ADAM22: variants seen among roughly 807,000 people sequenced by gnomAD.
ADAM22 encodes the protein disintegrin and metalloproteinase domain-containing protein 22.
In ADAM22, 65 loss-of-function variants were observed where a neutral mutation model predicts 144.6. The observed-to-expected ratio is 0.45, with a 90% CI of 0.37 to 0.55. The LOEUF is 0.55. Among genes scored for constraint, ADAM22 ranks in the 20% least tolerant of loss-of-function variants. The probability of loss-of-function intolerance (pLI) is 0.00; values close to 1 mark genes in which losing one functional copy is unlikely to be tolerated. For missense variants in ADAM22, 974 were observed against 1,184.9 expected (o/e 0.82, Z 2.61); for synonymous variants, 391 against 412.6 (o/e 0.95, Z 0.63).
intron 3 of ADAM22, among the ~76,000 whole-genome samples, chr7:88,029,417 T>G (rs1799735878): frequency 6.6e-6 from 1 of 152,178 alleles, no homozygotes. Context: ...TACTTTTTAT[T>G]GTACTGTCTG....
chr7:87,934,728 C>T, intron 1 of ADAM22, 178 bp downstream of exon 1: 1 of 656,966 alleles, frequency 1.5e-6, no homozygotes, highest in Non-Finnish European at 2.5e-6. Flanking sequence ...TGTGTGGAGG[C>T]GCGCAGATGC....
intron 3 of ADAM22, among the ~76,000 whole-genome samples, chr7:88,012,407 T>A (rs1795646876): frequency 1.3e-5 from 2 of 152,212 alleles, no homozygotes; most frequent in African/African-American, 4.8e-5. Context: ...TCTAATTTTT[T>A]GTTCCAAGCT....
chr7:88,020,259 A>C (rs1797528849), intron 3 of ADAM22, among the ~76,000 whole-genome samples: 1 of 152,172 alleles, frequency 6.6e-6, no homozygotes, highest in Non-Finnish European at 1.5e-5. Context: ...ACTCATTAGT[A>C]TATTTTTTTC....
At chr7:88,118,958 AAGTTTAATTATT>A (rs889940925) in intron 7 of ADAM22, among the ~76,000 whole-genome samples, 3 of 152,184 alleles carry the variant, frequency 2.0e-5, no homozygotes, top group Admixed American at 1.3e-4. Context: ...TTTCAAAAGT[AAGTTTAATTATT>A]ATAGATTACA....
rs926590534 is a variant in ADAM22 at position 88,117,756 on chromosome 7, C to T, written c.607+942C>T. 5.3e-5 allele frequency among the ~76,000 whole-genome samples: 8 copies of T among 150,482 alleles called. No homozygotes were observed. In the East Asian group the frequency reaches 5.8e-4, roughly 11 times the overall value. On this transcript the variant is annotated intron_variant, in intron 7 of 31. Transcript: ENST00000413139. ...TCGCCCAGGCTGGAATGCAGTGACG[C>T]GACCTCAGCTCACTGCAACCTCCGC...
chr7:88,149,188 T>A (rs2301999), intron 18 of ADAM22, 131 bp downstream of exon 18: 96,017 of 682,510 alleles, frequency 0.14, 10,064 homozygotes, highest in East Asian at 0.45. Context: ...CCATTTTTTT[T>A]AGGAATTTAA....
intron 3 of ADAM22, among the ~76,000 whole-genome samples, chr7:88,023,873 T>A (rs1563050253): frequency 6.6e-6 from 1 of 152,036 alleles, no homozygotes. Flanking sequence ...TAACCATTAT[T>A]CTGCTCTCTA....
intron 25 of ADAM22, among the ~76,000 whole-genome samples, chr7:88,169,198 A>C (rs1469932480): frequency 6.6e-6 from 1 of 152,102 alleles, no homozygotes; most frequent in Non-Finnish European, 1.5e-5. Flanking sequence ...GAGAGCAGTT[A>C]GTTTACTGGC....
intron 4 of ADAM22, among the ~76,000 whole-genome samples, chr7:88,088,551 C>A (rs1272032823): frequency 6.7e-6 from 1 of 149,076 alleles, no homozygotes; most frequent in African/African-American, 2.5e-5. Context: ...TGTAAGAAAT[C>A]ACTTAGAAAA....
chr7:87,957,782 C>T (rs1460787780), intron 2 of ADAM22, among the ~76,000 whole-genome samples: 1 of 152,104 alleles, frequency 6.6e-6, no homozygotes, highest in East Asian at 1.9e-4. Context: ...CGGGGTTTCA[C>T]CATGTTAGCC....
intron 2 of ADAM22, among the ~76,000 whole-genome samples, chr7:87,952,852 C>G (rs892808872): frequency 6.6e-6 from 1 of 152,198 alleles, no homozygotes; most frequent in African/African-American, 2.4e-5. Flanking sequence ...GATTCAACTT[C>G]TTCCCGGTTT....
chr7:88,119,797 A>C (rs931883743), intron 7 of ADAM22, among the ~76,000 whole-genome samples: 1 of 152,120 alleles, frequency 6.6e-6, no homozygotes, highest in Non-Finnish European at 1.5e-5. Flanking sequence ...CCTATAACAC[A>C]ATTTTTAACT....
At chr7:87,998,196 GC>G (rs1791685644) in intron 3 of ADAM22, among the ~76,000 whole-genome samples, 1 of 152,092 alleles carries the variant, frequency 6.6e-6, no homozygotes, top group Non-Finnish European at 1.5e-5. Context: ...ATTAGATGGT[GC>G]CCACCCAGAT....
At chr7:87,961,063 A>G (rs559575338) in intron 2 of ADAM22, among the ~76,000 whole-genome samples, 1 of 152,338 alleles carries the variant, frequency 6.6e-6, no homozygotes, top group East Asian at 1.9e-4. Flanking sequence ...AATAAAAAAT[A>G]TAGCATGGTA....
intron 3 of ADAM22, among the ~76,000 whole-genome samples, chr7:88,037,594 TTTTTTATTTTTA>T (rs1181734591): frequency 1.3e-5 from 2 of 152,122 alleles, no homozygotes; most frequent in Non-Finnish European, 2.9e-5. Flanking sequence ...TGTGTTTTAT[TTTTTTATTTTTA>T]TTTTTATTTT....
Position 88,155,966 on chromosome 7 carries a change from T to C in ADAM22, c.1867T>C (p.Ser623Pro). ...RLGELDGEIT[S>P]TLVVQQGRTL... ...TGGAGAACTCGATGGTGAAATCACATCTACTTTAGTTGTGCAGCAAGGAAG... is the reference window on the plus strand; with the variant it reads ...TGGAGAACTCGATGGTGAAATCACACCTACTTTAGTTGTGCAGCAAGGAAG... The change falls in exon 22 of 32, where the codon TCT becomes CCT. Residue 623 changes from serine to proline, a missense_variant. Physicochemically the swap from Ser to Pro is moderately conservative, Grantham distance 74. Coordinates refer to ENST00000413139, the MANE Select transcript of ADAM22 (RefSeq NM_001324418.2). The C allele has an allele frequency of 6.2e-7, 1 of 1,613,226 alleles. No individual in the cohort carries two copies. Among genetic ancestry groups the C allele is most frequent in the South Asian group, 1.1e-5 (1 of 91,044 alleles).
chr7:87,979,533 C>A (rs780837226), intron 3 of ADAM22, among the ~76,000 whole-genome samples: 2 of 152,020 alleles, frequency 1.3e-5, no homozygotes, highest in Non-Finnish European at 2.9e-5. Context: ...ATGACATTGC[C>A]ATTTTTATAG....
chr7:88,111,045 A>G (rs10952911), intron 5 of ADAM22, among the ~76,000 whole-genome samples: 84,196 of 150,270 alleles, frequency 0.56, 24,546 homozygotes, highest in East Asian at 0.9. Flanking sequence ...TAAATTTTAT[A>G]TCTCCTTTTA....
intron 2 of ADAM22, among the ~76,000 whole-genome samples, chr7:87,953,143 T>C (rs200491994): frequency 2.4e-4 from 37 of 152,202 alleles, no homozygotes; most frequent in Non-Finnish European, 4.1e-4. Context: ...CTATTTCCTT[T>C]AGTTCTGCTC....
Sources: gnomAD v4.1 joint callset for allele counts (sites outside exome capture counted in the v4.1 genomes callset) on GRCh38, gnomAD v4.1.1 for gene constraint, MANE v1.5 for transcripts, NCBI Gene and HGNC (gene_info 2026-07-23, HGNC 2026-07-21) for gene names.